The following GRM3 variants were observed in gnomAD, a reference collection of about 807,000 sequenced individuals.
GRM3 encodes metabotropic glutamate receptor 3.
Under a neutral mutation model 70.5 loss-of-function variants are expected in GRM3, and 26 were observed. The ratio of observed to expected loss-of-function variants is 0.37; its 90% confidence interval spans 0.27 to 0.51. The LOEUF (loss-of-function observed/expected upper bound fraction) is 0.51, where lower values mean the gene tolerates loss of function less well. Among genes scored for constraint, GRM3 ranks in the 20% least tolerant of loss-of-function variants. The probability of loss-of-function intolerance (pLI) is 0.93; values close to 1 mark genes in which losing one functional copy is unlikely to be tolerated. For missense variants in GRM3, 859 were observed against 1,123.8 expected, an observed-to-expected ratio of 0.76 and a Z score of 3.37; for synonymous variants, 443 against 434.9, an observed-to-expected ratio of 1.02 and a Z score of -0.23.
intron 1 of GRM3, among the ~76,000 whole-genome samples, chr7:86,702,072 G>A (rs149215827): frequency 1.4e-4 from 22 of 151,810 alleles, no homozygotes; most frequent in East Asian, 9.7e-4. Flanking sequence ...TATTTATTTC[G>A]TTGTACACAT....
rs187681902 is a variant in GRM3 at position 86,811,176 on chromosome 7, G to A, written c.1324+24060G>A. ...TAAATTTTTGTTTACAGCACATGAG[G>A]TATCATCCAATTGCTTCATAAGCCA... is the stretch of plus-strand genomic sequence containing the variant. On this transcript the variant is annotated intron_variant, in intron 3 of 5. Transcript: ENST00000361669. Among the ~76,000 whole-genome samples, 283 of 151,990 alleles carry A rather than the reference G, an allele frequency of 1.9e-3. 1 individual carries two copies. Among genetic ancestry groups the A allele is most frequent in the African/African-American group, 6.5e-3 (269 of 41,506 alleles).
chr7:86,811,467 C>T (rs1198606379), intron 3 of GRM3, among the ~76,000 whole-genome samples: 1 of 151,768 alleles, frequency 6.6e-6, no homozygotes, highest in Non-Finnish European at 1.5e-5. Flanking sequence ...GAAGTATCAT[C>T]TCTAGGAGGA....
chr7:86,828,225 A>G (rs1392467509), intron 3 of GRM3, among the ~76,000 whole-genome samples: 1 of 152,058 alleles, frequency 6.6e-6, no homozygotes, highest in Non-Finnish European at 1.5e-5. Flanking sequence ...CAATATTATT[A>G]GGCATTGGGG....
At chr7:86,708,791 G>A (rs1795117448) in intron 1 of GRM3, among the ~76,000 whole-genome samples, 1 of 152,064 alleles carries the variant, frequency 6.6e-6, no homozygotes, top group African/African-American at 2.4e-5. Context: ...GAACATAACT[G>A]AGGCTGGCCA....
At chr7:86,707,163 C>A (rs115035388) in intron 1 of GRM3, among the ~76,000 whole-genome samples, 2,046 of 152,168 alleles carry the variant, frequency 0.013, 38 homozygotes, top group African/African-American at 0.047. Context: ...CAGACCAACC[C>A]TGATAACATT....
At chr7:86,758,266 C>T (rs1489260486) in intron 1 of GRM3, among the ~76,000 whole-genome samples, 3 of 152,098 alleles carry the variant, frequency 2.0e-5, no homozygotes, top group Non-Finnish European at 4.4e-5. Flanking sequence ...AAAATATCCT[C>T]CTAAAAATGG....
chr7:86,773,584 T>C (rs1022289068), intron 2 of GRM3, among the ~76,000 whole-genome samples: 5 of 139,852 alleles, frequency 3.6e-5, no homozygotes, highest in Admixed American at 2.8e-4. Flanking sequence ...AGACAGAATC[T>C]TTTCATTTAT....
At chr7:86,732,663 C>T (rs915178511) in intron 1 of GRM3, among the ~76,000 whole-genome samples, 1 of 152,174 alleles carries the variant, frequency 6.6e-6, no homozygotes, top group African/African-American at 2.4e-5. Flanking sequence ...CCAATTTCCA[C>T]ACAAGGAACG....
intron 3 of GRM3, among the ~76,000 whole-genome samples, chr7:86,812,665 A>G (rs1273753024): frequency 6.6e-6 from 1 of 151,816 alleles, no homozygotes; most frequent in Non-Finnish European, 1.5e-5. Flanking sequence ...AATTCCTCAC[A>G]GCATTTGCCG....
chr7:86,652,227 CT>C (rs67322340), intron 1 of GRM3, among the ~76,000 whole-genome samples: 106,119 of 151,874 alleles, frequency 0.7, 37,618 homozygotes, highest in East Asian at 0.88. Context: ...TCACCCTCTA[CT>C]TTTTTTTTCT....
At position 86,786,998 on chromosome 7, in the gene GRM3, C is replaced by T. The variant is rs1467173545; in HGVS notation, c.1206C>T (p.His402=). ...TGAACGCGGTGTATGCCATGGCCCA[C>T]GCTTTGCACAAAATGCAGCGCACCC... The part of the protein sequence containing the change: ...FVVNAVYAMA[H]ALHKMQRTLC... Residue 402 remains histidine, a synonymous_variant, in exon 3 of 6, where the codon CAC becomes CAT. Transcript: ENST00000361669. The surrounding 1 kb of genome is among the most constrained non-coding windows in gnomAD (Gnocchi z 6.0). 6.2e-7 allele frequency: 1 copy of T among 1,614,022 alleles called. No homozygotes were observed. The highest frequency in any genetic ancestry group is 1.7e-5 in the Admixed American group (1 of 60,028).
chr7:86,664,278 A>G (rs765871063), intron 1 of GRM3, among the ~76,000 whole-genome samples: 15 of 151,940 alleles, frequency 9.9e-5, no homozygotes, highest in Non-Finnish European at 1.9e-4. Context: ...CAAAGATGGT[A>G]GACATTGAAA....
intron 1 of GRM3, among the ~76,000 whole-genome samples, chr7:86,677,574 A>G (rs1182942682): frequency 1.3e-5 from 2 of 152,078 alleles, no homozygotes; most frequent in African/African-American, 2.4e-5. Flanking sequence ...CCTGAAAACA[A>G]GAGTATCATG....
At chr7:86,819,156 C>T (rs1374669068) in intron 3 of GRM3, among the ~76,000 whole-genome samples, 3 of 152,056 alleles carry the variant, frequency 2.0e-5, no homozygotes, top group East Asian at 1.9e-4. Flanking sequence ...TGCTTGAAGC[C>T]ATTTGCTGAA....
intron 5 of GRM3, among the ~76,000 whole-genome samples, chr7:86,859,889 G>A (rs73382349): frequency 0.08 from 12,218 of 152,200 alleles, 506 homozygotes; most frequent in Middle Eastern, 0.11. Context: ...CTGCCACTTG[G>A]TTACACTGAT....
intron 1 of GRM3, among the ~76,000 whole-genome samples, chr7:86,646,324 G>A (rs1793471801): frequency 6.6e-6 from 1 of 152,156 alleles, no homozygotes; most frequent in Non-Finnish European, 1.5e-5. Context: ...ACAATGGGTA[G>A]TGTTTTATAT....
intron 1 of GRM3, among the ~76,000 whole-genome samples, chr7:86,664,676 C>A (rs1353172241): frequency 1.3e-5 from 2 of 151,872 alleles, no homozygotes; most frequent in African/African-American, 2.4e-5. Context: ...ATTTTCTCTA[C>A]CCAGTACAGC....
At chr7:86,833,433 T>C (rs1399660208) in intron 3 of GRM3, among the ~76,000 whole-genome samples, 1 of 152,136 alleles carries the variant, frequency 6.6e-6, no homozygotes, top group Admixed American at 6.5e-5. Flanking sequence ...AAAAGAACTA[T>C]ACAACTGATT....
At chr7:86,821,622 T>C (rs769474244) in intron 3 of GRM3, among the ~76,000 whole-genome samples, 22 of 152,140 alleles carry the variant, frequency 1.4e-4, no homozygotes, top group Non-Finnish European at 2.4e-4. Context: ...GGGAAAATGA[T>C]GCGTGACAGC....
Sources: gnomAD v4.1 joint callset for allele counts (sites outside exome capture counted in the v4.1 genomes callset) on GRCh38, gnomAD v4.1.1 for gene constraint, Gnocchi (gnomAD v3.1) non-coding constraint, MANE v1.5 for transcripts, NCBI Gene and HGNC (gene_info 2026-07-23, HGNC 2026-07-21) for gene names.